The following PKP4 variants were observed in gnomAD, a reference collection of about 807,000 sequenced individuals.
The protein encoded by PKP4 is plakophilin-4.
PKP4 carries 90 observed loss-of-function variants against 145.1 expected under a neutral mutation model. That is an observed-to-expected ratio of 0.62 (90% CI 0.52 to 0.74). PKP4 has a LOEUF of 0.74. Ranked by LOEUF, PKP4 falls within the 30% of genes least tolerant of loss-of-function variation. The probability of loss-of-function intolerance (pLI) is 0.00; values close to 1 mark genes in which losing one functional copy is unlikely to be tolerated. For synonymous variants in PKP4, 563 were observed against 577.2 expected, an observed-to-expected ratio of 0.98 and a Z score of 0.35; for missense variants, 1,340 against 1,482.7, an observed-to-expected ratio of 0.90 and a Z score of 1.58.
chr2:158,470,931 TC>T (rs1247511999), intron 1 of PKP4, among the ~76,000 whole-genome samples: 1 of 152,118 alleles, frequency 6.6e-6, no homozygotes, highest in Non-Finnish European at 1.5e-5. Context: ...ACCCCAGTCT[TC>T]CTTAGGGCAC....
rs545273060 is a variant in PKP4 at position 158,480,195 on chromosome 2, A to T, written c.-6+22977A>T. Among the ~76,000 whole-genome samples the T allele has an allele frequency of 1.2e-4, 18 of 152,062 alleles. No individual in the cohort carries two copies. The South Asian group carries it at 2.3e-3, about 19-fold the overall frequency. ...TTGTCTTAATTTTAAGTATCTAGCA[A>T]CTCAAAATTTGCCTCCTATATGGAA... On this transcript the variant is annotated intron_variant, in intron 1 of 21. Transcript: ENST00000389759.
At chr2:158,521,846 A>C (rs2042401577) in intron 1 of PKP4, among the ~76,000 whole-genome samples, 1 of 152,112 alleles carries the variant, frequency 6.6e-6, no homozygotes, top group African/African-American at 2.4e-5. Context: ...AATTTTTTCT[A>C]CTTATTATTG....
intron 1 of PKP4, among the ~76,000 whole-genome samples, chr2:158,507,129 C>T (rs1053289346): frequency 1.3e-5 from 2 of 152,172 alleles, no homozygotes; most frequent in African/African-American, 4.8e-5. Flanking sequence ...TCCATTACTT[C>T]GATGTTTTTA....
chr2:158,663,786 G>A lies in PKP4; in HGVS notation c.2577+341G>A, dbSNP rs575689113. On this transcript the variant is annotated intron_variant, in intron 15 of 21. Coordinates refer to ENST00000389759, the MANE Select transcript of PKP4 (RefSeq NM_003628.6). ...TGTAAGGGAAGGTCAGGAAAAGAGC[G>A]GAGTAAGGACGTGGAGGAGATTTCC... 5.3e-5 allele frequency among the ~76,000 whole-genome samples: 8 copies of A among 152,314 alleles called. No homozygotes were observed. In the East Asian group the frequency reaches 5.8e-4, roughly 11 times the overall value.
chr2:158,598,729 A>G (rs1208320892), intron 3 of PKP4, among the ~76,000 whole-genome samples: 1 of 152,238 alleles, frequency 6.6e-6, no homozygotes, highest in African/African-American at 2.4e-5. Flanking sequence ...AGATCGCGCC[A>G]CTGCACTCCA....
intron 4 of PKP4, among the ~76,000 whole-genome samples, chr2:158,603,523 T>C (rs2050397344): frequency 1.3e-5 from 2 of 152,200 alleles, no homozygotes; most frequent in South Asian, 4.1e-4. Context: ...GAATATCTAG[T>C]AGCTTCTAAC....
At chr2:158,574,716 G>A (rs1176763343) in intron 2 of PKP4, among the ~76,000 whole-genome samples, 3 of 152,072 alleles carry the variant, frequency 2.0e-5, no homozygotes, top group African/African-American at 7.2e-5. Flanking sequence ...TCTGCTTTTG[G>A]CACTTTAATG....
In PKP4 at chr2:158,680,749, T is replaced by G. The variant is rs572401043; in HGVS notation, c.*72T>G. On this transcript the variant is annotated 3_prime_UTR_variant, in exon 22 of 22. Coordinates refer to ENST00000389759, the MANE Select transcript of PKP4 (RefSeq NM_003628.6). ...GATTGAGGTGAAAAGTCCATCTTGC[T>G]GATTTGATGATTGAAATGTGAAAGT... 2.3e-6 allele frequency: 3 copies of G among 1,295,792 alleles called. No individual in the cohort carries two copies. The South Asian group carries it at 4.5e-5, about 19-fold the overall frequency. The allele number at this position is 1,295,792 out of a possible 1,614,324, so 80.3% of individuals were successfully genotyped here.
chr2:158,489,559 A>C (rs1694649425), intron 1 of PKP4, among the ~76,000 whole-genome samples: 1 of 151,734 alleles, frequency 6.6e-6, no homozygotes, highest in South Asian at 2.1e-4. Flanking sequence ...GGCTTCCCTG[A>C]CTCCTCTGCC....
chr2:158,596,761 G>C (rs977061551), intron 3 of PKP4, among the ~76,000 whole-genome samples: 1 of 152,174 alleles, frequency 6.6e-6, no homozygotes, highest in Admixed American at 6.5e-5. Context: ...TGACACAGAG[G>C]GGGAGAAATG....
At chr2:158,613,020 A>T (rs1250024204) in intron 4 of PKP4, among the ~76,000 whole-genome samples, 1 of 152,206 alleles carries the variant, frequency 6.6e-6, no homozygotes, top group Non-Finnish European at 1.5e-5. Flanking sequence ...AACTTAAAAA[A>T]TCACCACTGG....
At chr2:158,595,405 G>C (rs1277105311) in intron 3 of PKP4, among the ~76,000 whole-genome samples, 1 of 152,122 alleles carries the variant, frequency 6.6e-6, no homozygotes, top group Non-Finnish European at 1.5e-5. Context: ...TGAATGCCTG[G>C]TCTTAATAAG....
At chr2:158,640,412 G>A (rs2054177395) in intron 9 of PKP4, among the ~76,000 whole-genome samples, 1 of 152,202 alleles carries the variant, frequency 6.6e-6, no homozygotes, top group Admixed American at 6.5e-5. Context: ...CTCTTTCTGT[G>A]CATCTGTGCG....
chr2:158,677,907 C>T (rs1431760162), intron 20 of PKP4, among the ~76,000 whole-genome samples: 1 of 152,110 alleles, frequency 6.6e-6, no homozygotes, highest in Non-Finnish European at 1.5e-5. Context: ...AACTAATTTG[C>T]CTCAACTACG....
chr2:158,590,708 C>T (rs2049197415), intron 3 of PKP4, among the ~76,000 whole-genome samples: 1 of 151,988 alleles, frequency 6.6e-6, no homozygotes, highest in African/African-American at 2.4e-5. Flanking sequence ...AATTATATTA[C>T]TGAATGAAGT....
At chr2:158,532,463 G>C (rs924573754) in intron 1 of PKP4, among the ~76,000 whole-genome samples, 1 of 152,214 alleles carries the variant, frequency 6.6e-6, no homozygotes, top group African/African-American at 2.4e-5. Flanking sequence ...AGAAGACAGA[G>C]AGACTGATGT....
intron 3 of PKP4, among the ~76,000 whole-genome samples, chr2:158,581,039 G>A (rs965532046): frequency 2.6e-5 from 4 of 152,060 alleles, no homozygotes; most frequent in African/African-American, 9.7e-5. Context: ...AGGATGCTTC[G>A]GGCACATCAT....
At chr2:158,643,859 G>A (rs1437130311) in intron 11 of PKP4, among the ~76,000 whole-genome samples, 4 of 152,034 alleles carry the variant, frequency 2.6e-5, no homozygotes, top group African/African-American at 4.8e-5. Flanking sequence ...TCTGCCTCCC[G>A]GGTTCAAGCG....
Position 158,512,201 on chromosome 2 carries a change from T to C in PKP4, c.-5-20979T>C, listed in dbSNP as rs112349596. 1.4e-3 allele frequency among the ~76,000 whole-genome samples: 207 copies of C among 152,360 alleles called. 1 individual carries two copies. The highest frequency in any genetic ancestry group is 4.8e-3 in the African/African-American group (199 of 41,588). On this transcript the variant is annotated intron_variant, in intron 1 of 21. Transcript: ENST00000389759. ...TATTTCTATATATCATTTGGAATACTAAACTCGTATATCTTGGTTCTTGGA... is the reference window on the plus strand; with the variant it reads ...TATTTCTATATATCATTTGGAATACCAAACTCGTATATCTTGGTTCTTGGA...
Sources: allele counts gnomAD v4.1 joint callset (sites outside exome capture counted in the v4.1 genomes callset), GRCh38; gene constraint gnomAD v4.1.1; transcripts MANE v1.5; gene names NCBI Gene and HGNC (gene_info 2026-07-23, HGNC 2026-07-21).